Variants in HSPA4 observed in about 807,000 individuals in gnomAD.
HSPA4 encodes the protein heat shock protein family A (Hsp70) member 4.
Under a neutral mutation model 106.2 loss-of-function variants are expected in HSPA4, and 25 were observed. That is an observed-to-expected ratio of 0.24 (90% CI 0.17 to 0.33). The LOEUF (loss-of-function observed/expected upper bound fraction) is 0.33. Ranked by LOEUF, HSPA4 falls within the 10% of genes least tolerant of loss-of-function variation. HSPA4 has a pLI of 1.00. For missense variants in HSPA4, 841 were observed against 996.0 expected, an observed-to-expected ratio of 0.84 and a Z score of 2.10; for synonymous variants, 332 against 333.6, an observed-to-expected ratio of 1.00 and a Z score of 0.05.
intron 11 of HSPA4, 186 bp from the exon 12 acceptor site, chr5:133,091,007 C>T: frequency 4.4e-6 from 3 of 684,744 alleles, no homozygotes; most frequent in Non-Finnish European, 5.3e-6. Context: ...TAATAAGAGA[C>T]TGTGAAAGAA....
intron 1 of HSPA4, among the ~76,000 whole-genome samples, chr5:133,061,577 G>A (rs1371721973): frequency 6.6e-6 from 1 of 152,084 alleles, no homozygotes; most frequent in Non-Finnish European, 1.5e-5. Flanking sequence ...TTGGTGTTAA[G>A]TAGAAATTAA....
rs1362443434 is a variant in HSPA4 at position 133,105,569 on chromosome 5, T to A, written c.*1133T>A. 6.6e-6 allele frequency: 1 copy of A among 152,168 alleles called. No individual in the cohort carries two copies. Among genetic ancestry groups the A allele is most frequent in the Non-Finnish European group, 1.5e-5 (1 of 68,034 alleles). 9.4% of individuals were successfully genotyped at this position (152,168 alleles called of 1,614,324 possible). ...ACCAAAGCATTCCTCTGACTGCTTTTTGGGGCAGTGTTGACAGGAGTGAGG... is the reference window on the plus strand; with the variant it reads ...ACCAAAGCATTCCTCTGACTGCTTTATGGGGCAGTGTTGACAGGAGTGAGG... On this transcript the variant is annotated 3_prime_UTR_variant, in exon 19 of 19. Coordinates refer to ENST00000304858, the MANE Select transcript of HSPA4 (RefSeq NM_002154.4).
chr5:133,100,918 G>A (rs1342361634), intron 16 of HSPA4, among the ~76,000 whole-genome samples: 1 of 152,122 alleles, frequency 6.6e-6, no homozygotes, highest in African/African-American at 2.4e-5. Context: ...TGGTCCTTCT[G>A]CCTTAGTCTC....
At chr5:133,055,307 A>ATTTTTTTTTTTTTT (rs397999293) in intron 1 of HSPA4, among the ~76,000 whole-genome samples, 1 of 60,106 alleles carries the variant, frequency 1.7e-5, no homozygotes, top group Non-Finnish European at 3.1e-5. Context: ...AGGAAGGTTG[A>ATTTTTTTTTTTTTT]TTTTTTTTTT....
intron 1 of HSPA4, 62 bp downstream of exon 1, chr5:133,052,419 G>T (rs1199118182): frequency 3.5e-6 from 4 of 1,146,396 alleles, no homozygotes; most frequent in African/African-American, 1.6e-5. Context: ...GTTCCAGTCT[G>T]GGACCCTCGC....
At chr5:133,091,062 T>C (rs753071239) in intron 11 of HSPA4, 131 bp from the exon 12 acceptor site, 2 of 802,592 alleles carry the variant, frequency 2.5e-6, no homozygotes, top group South Asian at 2.7e-5. Context: ...AAGGACCGAT[T>C]TTGCTTATTT....
chr5:133,056,439 T>G (rs1765165965), intron 1 of HSPA4, among the ~76,000 whole-genome samples: 1 of 152,158 alleles, frequency 6.6e-6, no homozygotes, highest in South Asian at 2.1e-4. Flanking sequence ...ATGCGGCTAA[T>G]TTTTGTATTT....
At chr5:133,064,361 C>G (rs1405883797) in intron 1 of HSPA4, among the ~76,000 whole-genome samples, 3 of 152,110 alleles carry the variant, frequency 2.0e-5, no homozygotes, top group Non-Finnish European at 4.4e-5. Flanking sequence ...CAAAAATTAG[C>G]TGGGCGTGAT....
intron 8 of HSPA4, among the ~76,000 whole-genome samples, chr5:133,088,020 CA>C (rs1282737203): frequency 2.0e-5 from 3 of 152,058 alleles, no homozygotes; most frequent in Admixed American, 1.3e-4. Flanking sequence ...AATGTCAGGT[CA>C]GAATAACTCA....
intron 12 of HSPA4, among the ~76,000 whole-genome samples, chr5:133,091,941 T>C (rs972388813): frequency 3.3e-5 from 5 of 152,174 alleles, no homozygotes; most frequent in South Asian, 2.1e-4. Flanking sequence ...CCCACCTGCA[T>C]GGGAGGCTGA....
At chr5:133,054,350 G>A (rs1482136630) in intron 1 of HSPA4, among the ~76,000 whole-genome samples, 1 of 152,010 alleles carries the variant, frequency 6.6e-6, no homozygotes. Flanking sequence ...TTACAGGTGT[G>A]CGCCACCACG....
intron 7 of HSPA4, among the ~76,000 whole-genome samples, chr5:133,082,599 G>A (rs1230060783): frequency 1.3e-5 from 2 of 151,992 alleles, no homozygotes; most frequent in African/African-American, 4.8e-5. Flanking sequence ...CCAAGTAGAT[G>A]GGAGTATAGG....
intron 3 of HSPA4, among the ~76,000 whole-genome samples, chr5:133,068,378 A>G (rs1343340604): frequency 6.6e-6 from 1 of 151,492 alleles, no homozygotes; most frequent in African/African-American, 2.4e-5. Context: ...GGAGATGGAT[A>G]GGGTGGACAC....
At chr5:133,084,975 T>G (rs1029541063) in intron 7 of HSPA4, among the ~76,000 whole-genome samples, 3 of 152,014 alleles carry the variant, frequency 2.0e-5, no homozygotes, top group Non-Finnish European at 4.4e-5. Flanking sequence ...GCCTGGCTAA[T>G]TTCTTGTATG....
intron 7 of HSPA4, among the ~76,000 whole-genome samples, chr5:133,079,135 T>C (rs549346342): frequency 3.9e-5 from 6 of 152,350 alleles, no homozygotes; most frequent in African/African-American, 1.4e-4. Flanking sequence ...ACTTAAAAAC[T>C]TGAGGTGAAA....
At chr5:133,059,228 G>C (rs1270013124) in intron 1 of HSPA4, among the ~76,000 whole-genome samples, 1 of 148,788 alleles carries the variant, frequency 6.7e-6, no homozygotes, top group African/African-American at 2.5e-5. Context: ...CGGGCGGTTC[G>C]CCTGAGGTCA....
Position 133,055,307 on chromosome 5 carries a change from A to ATTTTT in HSPA4, c.107+2977_107+2981dup, listed in dbSNP as rs397999293. ...ATAGAAAATGGTAGCAGGAAGGTTG[A>ATTTTT]TTTTTTTTTTTTTTTTTTTTTTTTT... On this transcript the variant is annotated intron_variant, in intron 1 of 18. Coordinates refer to ENST00000304858, the MANE Select transcript of HSPA4 (RefSeq NM_002154.4). Among the ~76,000 whole-genome samples, 58 of 60,104 alleles carry ATTTTT rather than the reference A, an allele frequency of 9.6e-4. 6 individuals are homozygous for ATTTTT. Among genetic ancestry groups the ATTTTT allele is most frequent in the Non-Finnish European group, 1.1e-3 (35 of 32,046 alleles). The allele number at this position is 60,104 out of a possible 152,430, so 39.4% of individuals were successfully genotyped here.
At chr5:133,078,092 G>A (rs144677686) in intron 7 of HSPA4, among the ~76,000 whole-genome samples, 2,247 of 152,282 alleles carry the variant, frequency 0.015, 24 homozygotes, top group Non-Finnish European at 0.025. Context: ...CAGCAGTTTG[G>A]GAGGCAGAGG....
chr5:133,058,288 G>C (rs1232703958), intron 1 of HSPA4, among the ~76,000 whole-genome samples: 2 of 152,272 alleles, frequency 1.3e-5, no homozygotes, highest in East Asian at 3.9e-4. Flanking sequence ...AAACTGAGGT[G>C]GGAGGATCAC....
Sources: allele counts gnomAD v4.1 joint callset (sites outside exome capture counted in the v4.1 genomes callset), GRCh38; gene constraint gnomAD v4.1.1; transcripts MANE v1.5; gene names NCBI Gene and HGNC (gene_info 2026-07-23, HGNC 2026-07-21).